The following PTPRD variants were observed in gnomAD, a reference collection of about 807,000 sequenced individuals.
The protein encoded by PTPRD is receptor-type tyrosine-protein phosphatase delta.
PTPRD carries 34 observed loss-of-function variants against 214.5 expected under a neutral mutation model. That is an observed-to-expected ratio of 0.16 (90% CI 0.12 to 0.21). The LOEUF is 0.21. PTPRD is among the 10% of genes least tolerant of loss of function. The pLI is 1.00. For missense variants in PTPRD, 2,545 were observed against 2,398.7 expected (o/e 1.06, Z -1.27); for synonymous variants, 1,128 against 845.7 (o/e 1.33, Z -5.79).
intron 5 of PTPRD, among the ~76,000 whole-genome samples, chr9:9,841,205 GGTA>G (rs2058254312): frequency 1.3e-5 from 2 of 152,140 alleles, no homozygotes; most frequent in Admixed American, 1.3e-4. Context: ...TAGGAGTAGT[GGTA>G]GTGGGGTTAA....
intron 8 of PTPRD, among the ~76,000 whole-genome samples, chr9:9,509,698 G>A (rs2096653852): frequency 6.6e-6 from 1 of 151,438 alleles, no homozygotes; most frequent in Non-Finnish European, 1.5e-5. Flanking sequence ...TCTTCATTGT[G>A]GCAGTGATTG....
intron 14 of PTPRD, among the ~76,000 whole-genome samples, chr9:8,595,822 T>A (rs1365369940): frequency 1.3e-5 from 2 of 152,198 alleles, no homozygotes; most frequent in African/African-American, 2.4e-5. Flanking sequence ...AATCCATGTG[T>A]GTTGACTTTT....
At chr9:8,481,610 T>G (rs974215376) in intron 30 of PTPRD, among the ~76,000 whole-genome samples, 1 of 152,182 alleles carries the variant, frequency 6.6e-6, no homozygotes, top group Non-Finnish European at 1.5e-5. Context: ...CTGTTAGATT[T>G]CTAATAATCC....
chr9:10,575,846 G>A (rs1252048495), intron 2 of PTPRD, among the ~76,000 whole-genome samples: 3 of 151,996 alleles, frequency 2.0e-5, no homozygotes, highest in African/African-American at 7.2e-5. Flanking sequence ...TTGCTACATT[G>A]CTCAGGAGAT....
At chr9:10,510,792 A>T (rs1311407460) in intron 2 of PTPRD, among the ~76,000 whole-genome samples, 1 of 152,084 alleles carries the variant, frequency 6.6e-6, no homozygotes, top group Non-Finnish European at 1.5e-5. Flanking sequence ...TGTGCTACAA[A>T]ACACTAGTTC....
At chr9:10,064,689 T>C (rs2097844685) in intron 3 of PTPRD, among the ~76,000 whole-genome samples, 1 of 151,914 alleles carries the variant, frequency 6.6e-6, no homozygotes, top group African/African-American at 2.4e-5. Flanking sequence ...AAAAACCATA[T>C]GACCAAAGCC....
chr9:9,294,868 T>C (rs1368953164), intron 9 of PTPRD, among the ~76,000 whole-genome samples: 1 of 151,764 alleles, frequency 6.6e-6, no homozygotes, highest in African/African-American at 2.4e-5. Context: ...AGCTTTAAGA[T>C]TATATTAAAA....
chr9:10,292,888 G>A (rs1284481564), intron 3 of PTPRD, among the ~76,000 whole-genome samples: 2 of 151,666 alleles, frequency 1.3e-5, no homozygotes, highest in Non-Finnish European at 2.9e-5. Context: ...ATAAATTAAT[G>A]TTACATTAGT....
chr9:8,465,993 A>G (rs1429225464), intron 31 of PTPRD, among the ~76,000 whole-genome samples: 1 of 151,872 alleles, frequency 6.6e-6, no homozygotes, highest in Non-Finnish European at 1.5e-5. Flanking sequence ...TAACTTGTCT[A>G]AGGAAAAAAG....
chr9:9,278,783 G>A (rs1946598265), intron 9 of PTPRD, among the ~76,000 whole-genome samples: 1 of 151,312 alleles, frequency 6.6e-6, no homozygotes, highest in African/African-American at 2.4e-5. Flanking sequence ...TTATTGTGAG[G>A]ATTAAATATC....
In PTPRD at chr9:9,374,389, C is replaced by A. The variant is rs1011545868; in HGVS notation, c.-203+23060G>T. Among the ~76,000 whole-genome samples, 6 of 151,664 alleles carry A rather than the reference C, an allele frequency of 4.0e-5. No individual in the cohort carries two copies. The East Asian group carries it at 9.7e-4, about 24-fold the overall frequency. Reference sequence around the variant, plus strand: ...TCAAAACAAAATTATATTTAAGGTGCTATAGAATTTCAAAAGAAGAAGATA... The same window carrying A: ...TCAAAACAAAATTATATTTAAGGTGATATAGAATTTCAAAAGAAGAAGATA... On this transcript the variant is annotated intron_variant, in intron 9 of 45. Coordinates refer to ENST00000381196, the MANE Select transcript of PTPRD (RefSeq NM_002839.4).
At chr9:8,330,586 CATAG>C (rs1013322197) in intron 44 of PTPRD, among the ~76,000 whole-genome samples, 8 of 151,800 alleles carry the variant, frequency 5.3e-5, no homozygotes, top group Non-Finnish European at 1.0e-4. Flanking sequence ...AGCAAATGTA[CATAG>C]ATAAAGGTTT....
chr9:10,206,473 T>G (rs960800417), intron 3 of PTPRD, among the ~76,000 whole-genome samples: 2 of 152,094 alleles, frequency 1.3e-5, no homozygotes, highest in Non-Finnish European at 2.9e-5. Context: ...CTCATGAGAG[T>G]CAACCCAATT....
chr9:8,358,182 CG>C (rs1300674501), intron 39 of PTPRD, among the ~76,000 whole-genome samples: 1 of 152,100 alleles, frequency 6.6e-6, no homozygotes, highest in Admixed American at 6.5e-5. Context: ...TCTCCAACCA[CG>C]TATCTCTAAC....
intron 3 of PTPRD, among the ~76,000 whole-genome samples, chr9:10,067,227 C>T (rs1276662436): frequency 1.3e-5 from 2 of 151,982 alleles, no homozygotes; most frequent in African/African-American, 4.8e-5. Context: ...GAGAGCAGTA[C>T]CATTTATCTC....
chr9:10,022,666 T>A (rs71497169), intron 4 of PTPRD, among the ~76,000 whole-genome samples: 9,615 of 152,208 alleles, frequency 0.063, 472 homozygotes, highest in East Asian at 0.14. Flanking sequence ...AGGAAAAAAA[T>A]CATTAAATTA....
At chr9:9,605,068 CA>C (rs2094058078) in intron 7 of PTPRD, among the ~76,000 whole-genome samples, 1 of 151,966 alleles carries the variant, frequency 6.6e-6, no homozygotes, top group South Asian at 2.1e-4. Context: ...ATGGAACTTA[CA>C]AAGCATCTAT....
At chr9:10,177,854 G>T (rs530146017) in intron 3 of PTPRD, among the ~76,000 whole-genome samples, 4 of 151,724 alleles carry the variant, frequency 2.6e-5, no homozygotes, top group Non-Finnish European at 5.9e-5. Flanking sequence ...TTTTCAAAGT[G>T]GTTGTTATCT....
intron 11 of PTPRD, among the ~76,000 whole-genome samples, chr9:8,982,048 C>A (rs1435126096): frequency 6.6e-6 from 1 of 151,438 alleles, no homozygotes; most frequent in African/African-American, 2.4e-5. Context: ...TTAATAGGGA[C>A]AAAAGTAAGA....
Sources: gnomAD v4.1 joint callset for allele counts (sites outside exome capture counted in the v4.1 genomes callset) on GRCh38, gnomAD v4.1.1 for gene constraint, MANE v1.5 for transcripts, NCBI Gene and HGNC (gene_info 2026-07-23, HGNC 2026-07-21) for gene names.